ZMIZ1: variants seen among roughly 807,000 people sequenced by gnomAD.
The protein encoded by ZMIZ1 is zinc finger MIZ-type containing 1.
In ZMIZ1, 17 loss-of-function variants were observed where a neutral mutation model predicts 113.9. The observed-to-expected ratio is 0.15, with a 90% CI of 0.10 to 0.22. The LOEUF (loss-of-function observed/expected upper bound fraction) is 0.22, where lower values mean the gene tolerates loss of function less well. ZMIZ1 is among the 10% of genes least tolerant of loss of function. The pLI is 1.00. For missense variants in ZMIZ1, 1,059 were observed against 1,477.8 expected, an observed-to-expected ratio of 0.72 and a Z score of 4.65; for synonymous variants, 607 against 603.1, an observed-to-expected ratio of 1.01 and a Z score of -0.09.
intron 7 of ZMIZ1, among the ~76,000 whole-genome samples, chr10:79,246,811 C>T (rs895970208): frequency 6.6e-6 from 1 of 152,174 alleles, no homozygotes; most frequent in African/African-American, 2.4e-5. Flanking sequence ...CAGGGAGCTC[C>T]CTGGCCAGAC....
intron 1 of ZMIZ1, among the ~76,000 whole-genome samples, chr10:79,088,254 C>T (rs933070887): frequency 6.6e-6 from 1 of 152,264 alleles, no homozygotes; most frequent in African/African-American, 2.4e-5. Flanking sequence ...TGCATTGCCG[C>T]TGCCCAGGCT....
At chr10:79,222,157 A>G (rs1413152210) in intron 7 of ZMIZ1, among the ~76,000 whole-genome samples, 1 of 152,040 alleles carries the variant, frequency 6.6e-6, no homozygotes, top group Non-Finnish European at 1.5e-5. Context: ...GATGTGGCCC[A>G]CAGACACCTG....
At chr10:79,219,545 A>G (rs1373522831) in intron 7 of ZMIZ1, among the ~76,000 whole-genome samples, 1 of 152,154 alleles carries the variant, frequency 6.6e-6, no homozygotes, top group Non-Finnish European at 1.5e-5. Context: ...TCCTTTGGAA[A>G]GAGCCCTTCA....
intron 2 of ZMIZ1, among the ~76,000 whole-genome samples, chr10:79,127,370 C>A (rs1476475410): frequency 2.6e-5 from 4 of 152,186 alleles, no homozygotes; most frequent in Non-Finnish European, 4.4e-5. Flanking sequence ...GACTACAAGT[C>A]CCCGGGATTG....
At chr10:79,272,330 T>A (rs1209264306) in intron 7 of ZMIZ1, among the ~76,000 whole-genome samples, 2 of 151,994 alleles carry the variant, frequency 1.3e-5, no homozygotes, top group African/African-American at 4.8e-5. Context: ...AGAGTAAGCA[T>A]TAACATTTGG....
chr10:79,146,776 G>A (rs1845503888), intron 3 of ZMIZ1, among the ~76,000 whole-genome samples: 1 of 152,164 alleles, frequency 6.6e-6, no homozygotes, highest in African/African-American at 2.4e-5. Context: ...ACTCTGCTGG[G>A]CTTCCCACCC....
intron 1 of ZMIZ1, among the ~76,000 whole-genome samples, chr10:79,072,477 A>C (rs981569771): frequency 3.9e-5 from 6 of 152,210 alleles, no homozygotes; most frequent in African/African-American, 1.4e-4. Flanking sequence ...GGATTTAGGA[A>C]GGAAGGCACT....
At chr10:79,162,375 T>C (rs1846148339) in intron 4 of ZMIZ1, among the ~76,000 whole-genome samples, 2 of 152,170 alleles carry the variant, frequency 1.3e-5, no homozygotes, top group Non-Finnish European at 2.9e-5. Context: ...GGGTGGGGGC[T>C]GCAGGTCTGC....
chr10:79,125,508 G>A (rs1446553218), intron 2 of ZMIZ1, among the ~76,000 whole-genome samples: 1 of 152,218 alleles, frequency 6.6e-6, no homozygotes, highest in Non-Finnish European at 1.5e-5. Context: ...GTTACTTACT[G>A]AGGGCGCTTC....
At position 79,256,755 on chromosome 10, in the gene ZMIZ1, G is replaced by C. The variant is rs922394240; in HGVS notation, c.281-20426G>C. Reference sequence around the variant, plus strand: ...AGGCTGCTCTGAAGTTACCAGGAAAGCCTGCCCACCCACTGACACAGTCAG... The same window carrying C: ...AGGCTGCTCTGAAGTTACCAGGAAACCCTGCCCACCCACTGACACAGTCAG... On this transcript the variant is annotated intron_variant, in intron 7 of 24. Transcript: ENST00000334512. Among the ~76,000 whole-genome samples the C allele has an allele frequency of 4.6e-4, 70 of 152,206 alleles. 2 individuals are homozygous for C. The highest frequency in any genetic ancestry group is 1.1e-3 in the Admixed American group (17 of 15,280).
intron 14 of ZMIZ1, among the ~76,000 whole-genome samples, chr10:79,298,181 A>G (rs1854034891): frequency 6.6e-6 from 1 of 152,158 alleles, no homozygotes; most frequent in African/African-American, 2.4e-5. Context: ...CACCTGACAC[A>G]GGAGCTCAGT....
chr10:79,136,639 G>A (rs183233470), intron 2 of ZMIZ1, among the ~76,000 whole-genome samples: 200 of 152,336 alleles, frequency 1.3e-3, no homozygotes, highest in African/African-American at 4.7e-3. Flanking sequence ...CATCTTGGTT[G>A]TGTGACCTTG....
At chr10:79,159,687 C>A (rs1201121736) in intron 3 of ZMIZ1, among the ~76,000 whole-genome samples, 1 of 152,242 alleles carries the variant, frequency 6.6e-6, no homozygotes, top group Non-Finnish European at 1.5e-5. Flanking sequence ...ACAATATGGA[C>A]TCAATACAGA....
At chr10:79,155,147 A>AC (rs890019482) in intron 3 of ZMIZ1, among the ~76,000 whole-genome samples, 1 of 152,184 alleles carries the variant, frequency 6.6e-6, no homozygotes, top group African/African-American at 2.4e-5. Flanking sequence ...CAGAGAGGCC[A>AC]CCATTCTATG....
chr10:79,077,079 G>A (rs1475574427), intron 1 of ZMIZ1, among the ~76,000 whole-genome samples: 1 of 152,118 alleles, frequency 6.6e-6, no homozygotes, highest in East Asian at 1.9e-4. Context: ...CACCCTAGGA[G>A]TCACCTGCTG....
chr10:79,297,491 C>G, intron 13 of ZMIZ1, 122 bp from the exon 14 acceptor site: 1 of 807,492 alleles, frequency 1.2e-6, no homozygotes. Flanking sequence ...TCAATATACC[C>G]AGCAGTGGAT....
intron 3 of ZMIZ1, among the ~76,000 whole-genome samples, chr10:79,155,614 C>T (rs1325923501): frequency 2.0e-5 from 3 of 152,200 alleles, no homozygotes; most frequent in African/African-American, 4.8e-5. Flanking sequence ...GGGGCCTGGG[C>T]GATGCTGCAT....
intron 1 of ZMIZ1, among the ~76,000 whole-genome samples, chr10:79,074,725 C>G (rs1480561318): frequency 6.6e-6 from 1 of 152,238 alleles, no homozygotes; most frequent in Non-Finnish European, 1.5e-5. Context: ...CCCCTTGCAG[C>G]CTCCACCCTT....
chr10:79,224,606 G>C (rs1219526541), intron 7 of ZMIZ1, among the ~76,000 whole-genome samples: 2 of 152,190 alleles, frequency 1.3e-5, no homozygotes, highest in East Asian at 3.8e-4. Context: ...CCTAAGAAGG[G>C]CCTGCTTCTG....
Sources: gnomAD v4.1 joint callset for allele counts (sites outside exome capture counted in the v4.1 genomes callset) on GRCh38, gnomAD v4.1.1 for gene constraint, MANE v1.5 for transcripts, NCBI Gene and HGNC (gene_info 2026-07-23, HGNC 2026-07-21) for gene names.